Variants in ADAMTS3 observed in about 807,000 individuals in gnomAD.
The protein encoded by ADAMTS3 is A disintegrin and metalloproteinase with thrombospondin motifs 3.
A neutral mutation model predicts 129.0 loss-of-function variants in ADAMTS3; 73 were observed. The ratio of observed to expected loss-of-function variants is 0.57; its 90% CI spans 0.47 to 0.69. The LOEUF (loss-of-function observed/expected upper bound fraction) is 0.69, where lower values mean the gene tolerates loss of function less well. Among genes scored for constraint, ADAMTS3 ranks in the 30% least tolerant of loss-of-function variants. ADAMTS3 has a pLI of 0.00. For missense variants in ADAMTS3, 1,457 were observed against 1,514.5 expected, an observed-to-expected ratio of 0.96 and a Z score of 0.63; for synonymous variants, 477 against 510.8, an observed-to-expected ratio of 0.93 and a Z score of 0.89.
At chr4:72,563,361 T>G (rs1721949587) in intron 2 of ADAMTS3, among the ~76,000 whole-genome samples, 2 of 152,292 alleles carry the variant, frequency 1.3e-5, no homozygotes, top group East Asian at 3.9e-4. Context: ...ATTCTAAATT[T>G]TACAAAGGAT....
At chr4:72,558,937 T>A (rs1314048281) in intron 2 of ADAMTS3, among the ~76,000 whole-genome samples, 1 of 151,696 alleles carries the variant, frequency 6.6e-6, no homozygotes, top group Non-Finnish European at 1.5e-5. Flanking sequence ...AAAAGAGGCA[T>A]CTCTCTTCTG....
intron 3 of ADAMTS3, among the ~76,000 whole-genome samples, chr4:72,530,134 A>ATC: frequency 6.2e-3 from 1 of 162 alleles, no homozygotes; most frequent in Non-Finnish European, 0.025. Context: ...TTATAATATA[A>ATC]TATATATTAT....
chr4:72,487,745 T>C (rs1249229725), intron 3 of ADAMTS3, among the ~76,000 whole-genome samples: 1 of 152,062 alleles, frequency 6.6e-6, no homozygotes, highest in East Asian at 1.9e-4. Flanking sequence ...AGCACAATAC[T>C]GAATGAACCT....
intron 5 of ADAMTS3, among the ~76,000 whole-genome samples, chr4:72,327,932 TGAG>T (rs1223519984): frequency 6.6e-6 from 1 of 152,048 alleles, no homozygotes; most frequent in Non-Finnish European, 1.5e-5. Context: ...CAGAAAATAT[TGAG>T]AAGAAATAAA....
intron 4 of ADAMTS3, among the ~76,000 whole-genome samples, chr4:72,366,385 T>C (rs766672118): frequency 6.6e-6 from 1 of 152,222 alleles, no homozygotes; most frequent in African/African-American, 2.4e-5. Context: ...TTTTCAAATA[T>C]AATCCCAGGT....
intron 3 of ADAMTS3, among the ~76,000 whole-genome samples, chr4:72,512,975 A>G (rs1047093467): frequency 1.3e-5 from 2 of 152,170 alleles, no homozygotes; most frequent in African/African-American, 2.4e-5. Context: ...TCTTAAAAAT[A>G]CATCTTCAAG....
At chr4:72,346,649 T>A (rs1439865825) in intron 4 of ADAMTS3, among the ~76,000 whole-genome samples, 1 of 152,104 alleles carries the variant, frequency 6.6e-6, no homozygotes, top group African/African-American at 2.4e-5. Context: ...AAATATAAGA[T>A]AAACAACAGT....
At chr4:72,314,810 A>G (rs374339735) in intron 11 of ADAMTS3, among the ~76,000 whole-genome samples, 6 of 152,212 alleles carry the variant, frequency 3.9e-5, no homozygotes, top group Non-Finnish European at 8.8e-5. Context: ...ATTATTATGC[A>G]TATAATCCCT....
chr4:72,499,421 G>A (rs910481107), intron 3 of ADAMTS3, among the ~76,000 whole-genome samples: 1 of 152,060 alleles, frequency 6.6e-6, no homozygotes, highest in African/African-American at 2.4e-5. Context: ...AGGTGGACAA[G>A]ATTATTTATA....
At chr4:72,522,414 C>T (rs1043230252) in intron 3 of ADAMTS3, among the ~76,000 whole-genome samples, 1 of 152,128 alleles carries the variant, frequency 6.6e-6, no homozygotes, top group Admixed American at 6.6e-5. Flanking sequence ...TGAAATAGCA[C>T]CCACTACATC....
At chr4:72,484,625 C>T (rs1456779942) in intron 3 of ADAMTS3, among the ~76,000 whole-genome samples, 1 of 152,156 alleles carries the variant, frequency 6.6e-6, no homozygotes, top group Non-Finnish European at 1.5e-5. Flanking sequence ...ATCTCACAGG[C>T]TACTCACAGC....
chr4:72,509,905 G>T (rs1489618766), intron 3 of ADAMTS3, among the ~76,000 whole-genome samples: 1 of 151,714 alleles, frequency 6.6e-6, no homozygotes, highest in Non-Finnish European at 1.5e-5. Context: ...CATTAGAAAG[G>T]TCATTCATCA....
At chr4:72,403,826 C>T (rs1288845353) in intron 4 of ADAMTS3, among the ~76,000 whole-genome samples, 10 of 151,972 alleles carry the variant, frequency 6.6e-5, no homozygotes, top group Non-Finnish European at 1.3e-4. Context: ...ACAACAACGT[C>T]AACCACATAA....
In ADAMTS3 at chr4:72,449,826, T is replaced by G. The variant is rs899889260; in HGVS notation, c.505-34855A>C. Among the ~76,000 whole-genome samples, 13 of 151,884 alleles carry G rather than the reference T, an allele frequency of 8.6e-5. No individual in the cohort carries two copies. In the East Asian group the frequency reaches 2.6e-3, roughly 30 times the overall value. ...TTACTCGTCCTCTCTGCCAGAAATG[T>G]TTTGCCCCTTAGTTTCTCCACATCT... is the stretch of plus-strand genomic sequence containing the variant. On this transcript the variant is annotated intron_variant, in intron 3 of 21. Transcript: ENST00000286657.
intron 4 of ADAMTS3, among the ~76,000 whole-genome samples, chr4:72,366,592 T>C (rs1406885749): frequency 1.3e-5 from 2 of 152,114 alleles, no homozygotes; most frequent in Non-Finnish European, 2.9e-5. Context: ...AATTATTATA[T>C]GCCATATCTA....
At chr4:72,473,571 C>T (rs995634581) in intron 3 of ADAMTS3, among the ~76,000 whole-genome samples, 36 of 149,794 alleles carry the variant, frequency 2.4e-4, no homozygotes, top group African/African-American at 8.3e-4. Context: ...AAAAAAAACA[C>T]GGTCCTACTA....
intron 5 of ADAMTS3, among the ~76,000 whole-genome samples, chr4:72,328,328 T>C (rs1044845765): frequency 6.6e-6 from 1 of 152,348 alleles, no homozygotes; most frequent in Non-Finnish European, 1.5e-5. Context: ...GAAAATTCCT[T>C]CCAGGTTTGT....
intron 4 of ADAMTS3, among the ~76,000 whole-genome samples, chr4:72,410,300 T>G (rs993605007): frequency 6.6e-6 from 1 of 152,178 alleles, no homozygotes; most frequent in African/African-American, 2.4e-5. Flanking sequence ...AAATCATTTC[T>G]GACTTCTACA....
chr4:72,495,616 CAATAAT>C (rs1010972523), intron 3 of ADAMTS3, among the ~76,000 whole-genome samples: 2 of 151,966 alleles, frequency 1.3e-5, no homozygotes, highest in African/African-American at 4.8e-5. Context: ...AAGTTTAACT[CAATAAT>C]AACAGTTGCA....
Sources: gnomAD v4.1 joint callset for allele counts (sites outside exome capture counted in the v4.1 genomes callset) on GRCh38, gnomAD v4.1.1 for gene constraint, MANE v1.5 for transcripts, NCBI Gene and HGNC (gene_info 2026-07-23, HGNC 2026-07-21) for gene names.